MAN2C1: variants seen among roughly 807,000 people sequenced by gnomAD.
The protein encoded by MAN2C1 is mannosidase alpha class 2C member 1, also known as alpha-mannosidase 2C1.
A neutral mutation model predicts 126.9 loss-of-function variants in MAN2C1; 111 were observed. That is an observed-to-expected ratio of 0.87 (90% CI 0.75 to 1.02). The LOEUF is 1.02. MAN2C1 is among the 50% of genes least tolerant of loss of function. The probability of loss-of-function intolerance (pLI) is 0.00; values close to 1 mark genes in which losing one functional copy is unlikely to be tolerated. For missense variants in MAN2C1, 1,363 were observed against 1,364.4 expected, an observed-to-expected ratio of 1.00 and a Z score of 0.02; for synonymous variants, 567 against 561.5, an observed-to-expected ratio of 1.01 and a Z score of -0.14.
At position 75,356,713 on chromosome 15, in the gene MAN2C1, AC is replaced by A; in HGVS notation, c.2658-29del. 2 of 1,611,256 alleles carry A rather than the reference AC, an allele frequency of 1.2e-6. No individual in the cohort carries two copies. Among genetic ancestry groups the A allele is most frequent in the Non-Finnish European group, 1.7e-6 (2 of 1,178,662 alleles). On this transcript the variant is annotated intron_variant, in intron 22 of 25. Transcript: ENST00000267978. The surrounding 1 kb of genome is among the most constrained non-coding windows in gnomAD (Gnocchi z 5.8). The stretch of plus-strand genomic sequence containing the variant: ...GGGGTGAGGAGGGCGCGTAGGGGCC[AC>A]GCTGAAGCTGTTGGAGTTGTGGTCG...
At position 75,356,327 on chromosome 15, in the gene MAN2C1, C is replaced by T. The variant is rs78434659; in HGVS notation, c.2860G>A (p.Ala954Thr). 2.5e-5 allele frequency: 41 copies of T among 1,612,102 alleles called. No individual in the cohort carries two copies. The highest frequency in any genetic ancestry group is 5.3e-5 in the African/African-American group (4 of 74,826). Reference protein sequence around the residue: ...SWSAFSVSSPAVVLETVKQAE... With the variant: ...SWSAFSVSSPTVVLETVKQAE... Reference sequence around the variant, plus strand: ...TGCTTGACGGTCTCCAATACGACCGCGGGTGAAGACACGGAAAACGCACTC... The same window carrying T: ...TGCTTGACGGTCTCCAATACGACCGTGGGTGAAGACACGGAAAACGCACTC... Residue 954 changes from alanine to threonine, a missense_variant, in exon 24 of 26, where the codon GCG becomes ACG. Coordinates refer to ENST00000267978, the MANE Select transcript of MAN2C1 (RefSeq NM_006715.4). The surrounding 1 kb of genome is among the most constrained non-coding windows in gnomAD (Gnocchi z 5.8).
In MAN2C1 at chr15:75,364,181, C is replaced by T; in HGVS notation, c.608G>A (p.Gly203Glu). Residue 203 changes from glycine (G) to glutamate (E), a missense_variant, in exon 6 of 26, where the codon GGG becomes GAG. By Grantham distance (98) the Gly-to-Glu change is moderately conservative (BLOSUM62 -2). Around this residue, in one of 3 missense-constraint regions of MAN2C1, gnomAD observed 628 missense variants for 609.8 expected, o/e 1.03. Transcript: ENST00000267978. ...ELLLGIAKGL[G>E]KDNQRSFQAL... is the part of the protein sequence containing the mutation. ...CTGGAAGCTGCGCTGGTTGTCCTTCCCGAGGCCCTGCAGCAGGGTTCTGCC... is the reference window on the plus strand; with the variant it reads ...CTGGAAGCTGCGCTGGTTGTCCTTCTCGAGGCCCTGCAGCAGGGTTCTGCC... The T allele has an allele frequency of 1.2e-6, 2 of 1,609,782 alleles. No homozygotes were observed. The highest frequency in any genetic ancestry group is 1.7e-6 in the Non-Finnish European group (2 of 1,178,474).
At chr15:75,363,876 G>C (rs981451468) in intron 6 of MAN2C1, 123 bp downstream of exon 6, 1 of 1,061,064 alleles carries the variant, frequency 9.4e-7, no homozygotes, top group East Asian at 2.6e-5. Flanking sequence ...TTTTACAGAC[G>C]GGGAAAACGC....
intron 6 of MAN2C1, among the ~76,000 whole-genome samples, chr15:75,363,450 T>G (rs2072516604): frequency 6.6e-6 from 1 of 152,194 alleles, no homozygotes; most frequent in African/African-American, 2.4e-5. Context: ...CTGCTGAATC[T>G]GTCTCTGTAA....
Position 75,362,749 on chromosome 15 carries a change from C to T in MAN2C1, c.791-1G>A. 6.2e-7 allele frequency: 1 copy of T among 1,613,722 alleles called. No homozygotes were observed. Among genetic ancestry groups the T allele is most frequent in the Non-Finnish European group, 8.5e-7 (1 of 1,179,728 alleles). Reference sequence around the variant, plus strand: ...GTCTCTTTGAAGGGCCAAAGCCAGGCTATACGGGGAGTGAGGTGGAGGACA... The same window carrying T: ...GTCTCTTTGAAGGGCCAAAGCCAGGTTATACGGGGAGTGAGGTGGAGGACA... On this transcript the variant is annotated splice_acceptor_variant, in intron 6 of 25. Coordinates refer to ENST00000267978, the MANE Select transcript of MAN2C1 (RefSeq NM_006715.4). LOFTEE classifies it high-confidence loss of function. The surrounding 1 kb of genome is among the most constrained non-coding windows in gnomAD (Gnocchi z 4.5).
intron 12 of MAN2C1, 125 bp from the exon 13 acceptor site, chr15:75,360,813 G>T: frequency 7.4e-7 from 1 of 1,354,662 alleles, no homozygotes; most frequent in Non-Finnish European, 1.0e-6. Flanking sequence ...CCCGTTCACA[G>T]ATGGCCAGCC....
In MAN2C1 at chr15:75,364,002, T is replaced by A; in HGVS notation, c.787A>T (p.Thr263Ser). The change falls in exon 6 of 26, where the codon ACA (threonine) becomes TCA (serine). Residue 263 changes from threonine (T) to serine (S), a missense_variant. Coordinates refer to ENST00000267978, the MANE Select transcript of MAN2C1 (RefSeq NM_006715.4). ...IHATGHCHID[T>S]AWLWPFKETV... ...GCCCAACCAGCTGCTGTCCTACCTG[T>A]ATCAATGTGGCAGTGCCCTGTGGCA... The A allele has an allele frequency of 6.8e-6, 11 of 1,614,024 alleles. No homozygotes were observed. The highest frequency in any genetic ancestry group is 9.3e-6 in the Non-Finnish European group (11 of 1,179,968).
At position 75,360,556 on chromosome 15, in the gene MAN2C1, C is replaced by G. The variant is rs1251971985; in HGVS notation, c.1584+9G>C. 2.5e-6 allele frequency: 4 copies of G among 1,613,130 alleles called. No homozygotes were observed. The highest frequency in any genetic ancestry group is 3.4e-6 in the Non-Finnish European group (4 of 1,179,850). On this transcript the variant is annotated intron_variant, in intron 13 of 25. Coordinates refer to ENST00000267978, the MANE Select transcript of MAN2C1 (RefSeq NM_006715.4). The stretch of plus-strand genomic sequence containing the variant: ...CCCTCCCTGCACAGCCCTGCAACCT[C>G]CCCCTGACCTGGGCATGGGTGGTGT...
chr15:75,367,507 T>G lies in MAN2C1; in HGVS notation c.351+4A>C. 2 of 1,613,746 alleles carry G rather than the reference T, an allele frequency of 1.2e-6. No homozygotes were observed. The highest frequency in any genetic ancestry group is 1.7e-6 in the Non-Finnish European group (2 of 1,179,760). ...ATACCTGGCCCTAGGACAGGGTTCC[T>G]CACCTGGACAGGTTCTCCATCACGC... On this transcript the variant is annotated splice_donor_region_variant and intron_variant, in intron 3 of 25. Coordinates refer to ENST00000267978, the MANE Select transcript of MAN2C1 (RefSeq NM_006715.4).
chr15:75,364,433 C>T (rs1434463721), intron 5 of MAN2C1, 55 bp downstream of exon 5: 1 of 1,475,438 alleles, frequency 6.8e-7, no homozygotes, highest in Non-Finnish European at 9.0e-7. Flanking sequence ...CAAAGAACAA[C>T]CTTCTTGGAG....
rs148359347 is a variant in MAN2C1, at chr15:75,361,929, C to T, written c.1027G>A (p.Gly343Arg). 1 of 1,614,070 alleles carries T rather than the reference C, an allele frequency of 6.2e-7. No individual in the cohort carries two copies. The highest frequency in any genetic ancestry group is 8.5e-7 in the Non-Finnish European group (1 of 1,179,978). The part of the protein sequence containing the change: ...WVEMDGNLPS[G>R]EAMVRQFLQG... ...AAAAACTGCCTCACCATGGCCTCTC[C>T]ACTGGGCAGGTTCCCATCCTGGCAG... is the stretch of plus-strand genomic sequence containing the variant. The change falls in exon 9 of 26, where the codon GGA (glycine) becomes AGA (arginine). Residue 343 changes from glycine (G) to arginine (R), a missense_variant. This residue lies in a region of MAN2C1 where 628 missense variants were observed against 609.8 expected (regional missense o/e 1.03). Coordinates refer to ENST00000267978, the MANE Select transcript of MAN2C1 (RefSeq NM_006715.4). The surrounding 1 kb of genome is among the most constrained non-coding windows in gnomAD (Gnocchi z 5.0).
In MAN2C1 at chr15:75,364,053, C is replaced by T. The variant is rs767949043; in HGVS notation, c.736G>A (p.Gly246Arg). ...TGAATGGTGTGTTGGCTTTCACCCC[C>T]ATGTTGGCCAAAGAACCTGGAGGCC... ...ALASRFFGQH[G>R]GESQHTIHAT... Residue 246 changes from glycine (G) to arginine (R), a missense_variant, in exon 6 of 26, where the codon GGG (glycine) becomes AGG (arginine). Around this residue, in one of 3 missense-constraint regions of MAN2C1, gnomAD observed 628 missense variants for 609.8 expected, o/e 1.03. Coordinates refer to ENST00000267978, the MANE Select transcript of MAN2C1 (RefSeq NM_006715.4). 1 of 1,614,098 alleles carries T rather than the reference C, an allele frequency of 6.2e-7. No homozygotes were observed. The highest frequency in any genetic ancestry group is 1.7e-5 in the Admixed American group (1 of 60,008).
In MAN2C1 at chr15:75,368,182, A is replaced by C; in HGVS notation, c.118T>G (p.Cys40Gly). Reference sequence around the variant, plus strand: ...AAGCTGGAGAGCACAGCCACAGGGCAGCTGGCCCCAAAAAGCCTGCGTGGG... The same window carrying C: ...AAGCTGGAGAGCACAGCCACAGGGCCGCTGGCCCCAAAAAGCCTGCGTGGG... Reference protein sequence around the residue: ...NLRGRLFGASCPVAVLSSFLT... With the variant: ...NLRGRLFGASGPVAVLSSFLT... The change falls in exon 2 of 26, where the codon TGC (cysteine) becomes GGC (glycine). Residue 40 changes from cysteine (C) to glycine (G), a missense_variant. Coordinates refer to ENST00000267978, the MANE Select transcript of MAN2C1 (RefSeq NM_006715.4). 6.2e-7 allele frequency: 1 copy of C among 1,604,520 alleles called. No individual in the cohort carries two copies. Among genetic ancestry groups the C allele is most frequent in the Non-Finnish European group, 8.5e-7 (1 of 1,177,390 alleles).
In MAN2C1 at chr15:75,364,107, G is replaced by A. The variant is rs780922655; in HGVS notation, c.682C>T (p.Pro228Ser). ...GCCTGGGCCACTGGGAAGGTCTCGG[G>A]CTGGGCAGGGTCACACACGTTCACC... ...QMVNVCDPAQ[P>S]ETFPVAQALA... The change falls in exon 6 of 26, where the codon CCC becomes TCC. Residue 228 changes from proline (P) to serine (S), a missense_variant. Coordinates refer to ENST00000267978, the MANE Select transcript of MAN2C1 (RefSeq NM_006715.4). 1 of 1,614,216 alleles carries A rather than the reference G, an allele frequency of 6.2e-7. No homozygotes were observed. Among genetic ancestry groups the A allele is most frequent in the Non-Finnish European group, 8.5e-7 (1 of 1,180,024 alleles).
intron 21 of MAN2C1, chr15:75,357,148 A>T: frequency 2.0e-6 from 1 of 507,382 alleles, no homozygotes; most frequent in Non-Finnish European, 3.5e-6. Context: ...TTAAATGTAA[A>T]ACTTTGTTTT....
chr15:75,359,671 T>G lies in MAN2C1; in HGVS notation c.1897A>C (p.Lys633Gln). The change falls in exon 16 of 26, where the codon AAG becomes CAG. Residue 633 changes from lysine to glutamine, a missense_variant. By Grantham distance (53) the Lys-to-Gln change is moderately conservative. This residue lies in a region of MAN2C1 where 668 missense variants were observed against 650.1 expected (regional missense o/e 1.03). Coordinates refer to ENST00000267978, the MANE Select transcript of MAN2C1 (RefSeq NM_006715.4). ...GLLIVNTLPWKRIEVMALPKP... is the reference protein window; with the variant it reads ...GLLIVNTLPWQRIEVMALPKP... ...GGCAGGGCCATCACTTCGATCCGCT[T>G]CCAGGGCAGTGTGTTGACGATGAGG... The G allele has an allele frequency of 6.2e-7, 1 of 1,614,154 alleles. No homozygotes were observed.
rs1418949549 is a variant in MAN2C1, at chr15:75,360,735, G to A, written c.1461-47C>T. On this transcript the variant is annotated intron_variant, in intron 12 of 25. Coordinates refer to ENST00000267978, the MANE Select transcript of MAN2C1 (RefSeq NM_006715.4). ...GTCTCCCAGCCTTGGAGACCACATGGCTCACCCTTCTTCCACACCAAAGCA... is the reference window on the plus strand; with the variant it reads ...GTCTCCCAGCCTTGGAGACCACATGACTCACCCTTCTTCCACACCAAAGCA... 2.5e-6 allele frequency: 4 copies of A among 1,601,552 alleles called. No individual in the cohort carries two copies. The South Asian group carries it at 3.3e-5, about 13-fold the overall frequency.
rs150999227 is a variant in MAN2C1 at position 75,366,016 on chromosome 15, G to T, written c.422+506C>A. ...GCATGAGAATCGCTTGAACCTGGGA[G>T]GCAGAAGGTACAGTGAGCTGCGATC... is the stretch of plus-strand genomic sequence containing the variant. On this transcript the variant is annotated intron_variant, in intron 4 of 25. Coordinates refer to ENST00000267978, the MANE Select transcript of MAN2C1 (RefSeq NM_006715.4). 9.1e-4 allele frequency: 368 copies of T among 402,926 alleles called. 1 individual carries two copies. The highest frequency in any genetic ancestry group is 7.2e-3 in the African/African-American group (339 of 47,332). The allele number at this position is 402,926 out of a possible 1,614,324, so 25.0% of individuals were successfully genotyped here.
rs3803466 is a variant in MAN2C1 at position 75,356,309 on chromosome 15, C to T, written c.2878G>A (p.Val960Ile). ...VSSPAVVLETVKQAESSPQRR... is the reference protein window; with the variant it reads ...VSSPAVVLETIKQAESSPQRR... The stretch of plus-strand genomic sequence containing the variant: ...CACGTCCCACCCCTTGCCTGCTTGA[C>T]GGTCTCCAATACGACCGCGGGTGAA... The change falls in exon 24 of 26, where the codon GTC becomes ATC. Residue 960 changes from valine to isoleucine, a missense_variant. Val to Ile is a conservative substitution (Grantham distance 29, BLOSUM62 3). Coordinates refer to ENST00000267978, the MANE Select transcript of MAN2C1 (RefSeq NM_006715.4). The surrounding 1 kb of genome is among the most constrained non-coding windows in gnomAD (Gnocchi z 5.8). 22,538 of 1,611,932 alleles carry T rather than the reference C, an allele frequency of 0.014. 1,502 individuals are homozygous for T. In the Admixed American group the frequency reaches 0.16, roughly 11 times the overall value.
Sources: gnomAD v4.1 joint callset for allele counts (sites outside exome capture counted in the v4.1 genomes callset) on GRCh38, gnomAD v4.1.1 for gene constraint, gnomAD v4.1.1 regional missense constraint, Gnocchi (gnomAD v3.1) non-coding constraint, MANE v1.5 for transcripts, NCBI Gene and HGNC (gene_info 2026-07-23, HGNC 2026-07-21) for gene names.